Variants in CALCOCO1 observed in about 807,000 individuals in gnomAD.
CALCOCO1 encodes calcium binding and coiled-coil domain 1.
A neutral mutation model predicts 86.3 loss-of-function variants in CALCOCO1; 44 were observed. The ratio of observed to expected loss-of-function variants is 0.51; its 90% CI spans 0.40 to 0.66. CALCOCO1 has a LOEUF of 0.66. Among genes scored for constraint, CALCOCO1 ranks in the 30% least tolerant of loss-of-function variants. CALCOCO1 has a pLI of 0.00. For synonymous variants in CALCOCO1, 297 were observed against 327.6 expected (o/e 0.91, Z 1.01); for missense variants, 708 against 851.1 (o/e 0.83, Z 2.09).
chr12:53,715,129 A>G (rs768932595), intron 10 of CALCOCO1, 71 bp downstream of exon 10: 12 of 1,560,462 alleles, frequency 7.7e-6, no homozygotes, highest in Non-Finnish European at 9.6e-6. Context: ...GCCCATACCC[A>G]AGACAGAGAG....
intron 12 of CALCOCO1, 109 bp downstream of exon 12, chr12:53,714,024 C>A: frequency 7.6e-7 from 1 of 1,315,432 alleles, no homozygotes; most frequent in Non-Finnish European, 1.1e-6. Flanking sequence ...AAAGAAAAGG[C>A]AAAACACATA....
rs1304772533 is a variant in CALCOCO1 at position 53,725,173 on chromosome 12, A to T, written c.70T>A (p.Tyr24Asn). 2 of 1,613,320 alleles carry T rather than the reference A, an allele frequency of 1.2e-6. No individual in the cohort carries two copies. The highest frequency in any genetic ancestry group is 3.3e-5 in the Admixed American group (2 of 59,904). Residue 24 changes from tyrosine (Y) to asparagine (N), a missense_variant, in exon 2 of 15, where the codon TAC becomes AAC. Transcript: ENST00000550804. ...GVNFLNVART[Y>N]IPNTKVECHY... is the part of the protein sequence containing the mutation. ...CATTCCACCTTGGTGTTGGGGATGT[A>T]GGTCCGGGCTACATTGAGAAAGTTG...
At position 53,710,698 on chromosome 12, in the gene CALCOCO1, T is replaced by C. The variant is rs1945529085; in HGVS notation, c.*1246A>G. 6.6e-6 allele frequency: 1 copy of C among 152,124 alleles called. No homozygotes were observed. The highest frequency in any genetic ancestry group is 6.5e-5 in the Admixed American group (1 of 15,270). The allele number at this position is 152,124 out of a possible 1,614,324, so 9.4% of individuals were successfully genotyped here. A position where few individuals can be genotyped will look rare whatever the true frequency, so the allele number is the denominator to read the frequency against. ...AGAGGTATGAGGCTTAGGGCATTTT[T>C]TACTAAGTAGATACTCAAAGGTGTA... On this transcript the variant is annotated 3_prime_UTR_variant, in exon 15 of 15. Transcript: ENST00000550804.
At chr12:53,724,373 C>A in intron 3 of CALCOCO1, 2 of 447,790 alleles carry the variant, frequency 4.5e-6, no homozygotes, top group Non-Finnish European at 8.3e-6. Context: ...TTCTACCTTT[C>A]CCTCTTCCTT....
At chr12:53,713,065 C>T (rs1298016014) in intron 14 of CALCOCO1, 35 bp downstream of exon 14, 4 of 1,577,916 alleles carry the variant, frequency 2.5e-6, no homozygotes, top group South Asian at 1.1e-5. Flanking sequence ...CTGACCTCCT[C>T]CCACCTCCCT....
chr12:53,719,793 T>A lies in CALCOCO1; in HGVS notation c.795A>T (p.Gln265His). ...CTTTCAGTTGCCCAAGGAGCTTCTC[T>A]TGTTCCCGAGTCAGGGCCTTCACTG... ...RDTVKALTREQEKLLGQLKEV... is the reference protein window; with the variant it reads ...RDTVKALTREHEKLLGQLKEV... Residue 265 changes from glutamine (Q) to histidine (H), a missense_variant, in exon 7 of 15, where the codon CAA (glutamine) becomes CAT (histidine). Gln to His is a conservative substitution (Grantham distance 24, BLOSUM62 0). Transcript: ENST00000550804. 1 of 1,613,934 alleles carries A rather than the reference T, an allele frequency of 6.2e-7. No homozygotes were observed.
At chr12:53,713,987 T>C (rs1593077023) in intron 12 of CALCOCO1, 87 bp from the exon 13 acceptor site, 1 of 1,337,648 alleles carries the variant, frequency 7.5e-7, no homozygotes, top group East Asian at 2.3e-5. Context: ...GGGGTATCAT[T>C]AGACTAAACA....
Position 53,723,709 on chromosome 12 carries a change from G to T in CALCOCO1, c.334C>A (p.Gln112Lys), listed in dbSNP as rs756078500. Residue 112 changes from glutamine (Q) to lysine (K), a missense_variant, in exon 4 of 15, where the codon CAG (glutamine) becomes AAG (lysine). Transcript: ENST00000550804. ...TCTCGGAACTGGAAAGGGGGGCTCT[G>T]CCCACACACCTGGCCCTGGCGGTTC... The part of the protein sequence containing the change: ...YVNRQGQVCG[Q>K]SPPFQFREPR... The T allele has an allele frequency of 2.4e-5, 38 of 1,614,074 alleles. No homozygotes were observed. Among genetic ancestry groups the T allele is most frequent in the Middle Eastern group, 3.3e-4 (2 of 6,080 alleles).
rs908230436 is a variant in CALCOCO1, at chr12:53,711,454, T to C, written c.*490A>G. On this transcript the variant is annotated 3_prime_UTR_variant, in exon 15 of 15. Transcript: ENST00000550804. ...ATGAAACTGAGAACCAAAAGGGACCTGAGAGGCCATGATGTCCATGCTGCT... is the reference window on the plus strand; with the variant it reads ...ATGAAACTGAGAACCAAAAGGGACCCGAGAGGCCATGATGTCCATGCTGCT... 13 of 369,838 alleles carry C rather than the reference T, an allele frequency of 3.5e-5. No individual in the cohort carries two copies. The highest frequency in any genetic ancestry group is 5.7e-5 in the Non-Finnish European group (12 of 208,832). 22.9% of individuals were successfully genotyped at this position (369,838 alleles called of 1,614,324 possible).
chr12:53,721,858 T>A (rs775368953), intron 5 of CALCOCO1, 167 bp downstream of exon 5: 105 of 839,732 alleles, frequency 1.3e-4, no homozygotes, highest in Non-Finnish European at 1.9e-4. Context: ...ACATGTCTCT[T>A]GTCACATCAA....
At chr12:53,716,139 G>A (rs1475138847) in intron 8 of CALCOCO1, 92 bp from the exon 9 acceptor site, 2 of 1,584,206 alleles carry the variant, frequency 1.3e-6, no homozygotes, top group African/African-American at 2.7e-5. Context: ...ACTGCATTAG[G>A]ACTCGGGGTT....
intron 7 of CALCOCO1, among the ~76,000 whole-genome samples, chr12:53,718,453 C>T (rs1292220306): frequency 1.3e-5 from 2 of 152,062 alleles, no homozygotes; most frequent in African/African-American, 2.4e-5. Context: ...AGATTCCACA[C>T]AAGATTAAAA....
intron 2 of CALCOCO1, 27 bp from the exon 3 acceptor site, chr12:53,724,774 G>A (rs1326839611): frequency 6.4e-7 from 1 of 1,570,148 alleles, no homozygotes; most frequent in Non-Finnish European, 8.7e-7. Flanking sequence ...TTGGAGAAAG[G>A]TATGGTCATG....
chr12:53,714,391 C>T (rs953193298), intron 11 of CALCOCO1, 150 bp from the exon 12 acceptor site: 2 of 683,552 alleles, frequency 2.9e-6, no homozygotes, highest in Non-Finnish European at 5.0e-6. Flanking sequence ...AGACACTCCC[C>T]CCAGCACCCC....
Position 53,711,739 on chromosome 12 carries a change from C to A in CALCOCO1, c.*205G>T, listed in dbSNP as rs1945557205. 4.3e-6 allele frequency: 2 copies of A among 469,664 alleles called. No individual in the cohort carries two copies. Among genetic ancestry groups the A allele is most frequent in the South Asian group, 4.6e-5 (1 of 21,650 alleles). 29.1% of individuals were successfully genotyped at this position (469,664 alleles called of 1,614,324 possible). Reference sequence around the variant, plus strand: ...ATTCAGCCACTGCTTCCGAACAGGACCCCTCCCTGGGACAAAAGAGCCAGG... The same window carrying A: ...ATTCAGCCACTGCTTCCGAACAGGAACCCTCCCTGGGACAAAAGAGCCAGG... On this transcript the variant is annotated 3_prime_UTR_variant, in exon 15 of 15. Transcript: ENST00000550804.
chr12:53,719,618 C>A (rs1186860306), intron 7 of CALCOCO1, 121 bp downstream of exon 7: 2 of 699,108 alleles, frequency 2.9e-6, no homozygotes, highest in East Asian at 2.6e-5. Flanking sequence ...GTCTTATGTT[C>A]CCTAGTAGAG....
At chr12:53,721,841 G>C (rs77592174) in intron 5 of CALCOCO1, 184 bp downstream of exon 5, 1 of 811,366 alleles carries the variant, frequency 1.2e-6, no homozygotes, top group African/African-American at 1.7e-5. Context: ...CTCATTACAC[G>C]TTTGGAACAT....
At chr12:53,723,279 T>C (rs1023989322) in intron 4 of CALCOCO1, among the ~76,000 whole-genome samples, 4 of 152,232 alleles carry the variant, frequency 2.6e-5, no homozygotes, top group African/African-American at 9.6e-5. Context: ...GAATGTTCCC[T>C]GGAGTAGCCT....
At chr12:53,713,608 G>A (rs996525121) in intron 13 of CALCOCO1, 93 bp downstream of exon 13, 3 of 1,197,278 alleles carry the variant, frequency 2.5e-6, no homozygotes, top group Non-Finnish European at 3.5e-6. Context: ...AGAGGCTGCA[G>A]TGAGCCAAGA....
Sources: allele counts gnomAD v4.1 joint callset (sites outside exome capture counted in the v4.1 genomes callset), GRCh38; gene constraint gnomAD v4.1.1; transcripts MANE v1.5; gene names NCBI Gene and HGNC (gene_info 2026-07-23, HGNC 2026-07-21).